SLC25A47: variants seen among roughly 807,000 people sequenced by gnomAD.
The protein encoded by SLC25A47 is solute carrier family 25 member 47, also known as HCC-down-regulated mitochondrial carrier protein.
Under a neutral mutation model 29.8 loss-of-function variants are expected in SLC25A47, and 30 were observed. The observed-to-expected ratio is 1.01, with a 90% CI of 0.75 to 1.36. The LOEUF (loss-of-function observed/expected upper bound fraction) is 1.36. Ranked by LOEUF, SLC25A47 falls within the 40% of genes most tolerant of loss-of-function variation. The pLI is 0.00. For missense variants in SLC25A47, 430 were observed against 441.9 expected (o/e 0.97, Z 0.24); for synonymous variants, 204 against 197.8 (o/e 1.03, Z -0.26).
rs776000779 is a variant in SLC25A47 at position 100,327,302 on chromosome 14, G to A, written c.259G>A (p.Gly87Ser). Residue 87 changes from glycine to serine, a missense_variant, in exon 4 of 6, where the codon GGC (glycine) becomes AGC (serine). Physicochemically the swap from Gly to Ser is moderately conservative, Grantham distance 56 (BLOSUM62 0). Coordinates refer to ENST00000361529, the MANE Select transcript of SLC25A47 (RefSeq NM_207117.4). The part of the protein sequence containing the change: ...CLAHICRLRY[G>S]NPDAKPTKAD... Reference sequence around the variant, plus strand: ...GGCGCACATCTGCCGGCTCCGGTACGGCAACCCTGACGCCAAGCCCACCAA... The same window carrying A: ...GGCGCACATCTGCCGGCTCCGGTACAGCAACCCTGACGCCAAGCCCACCAA... 1.0e-5 allele frequency: 16 copies of A among 1,604,508 alleles called. No individual in the cohort carries two copies. In the South Asian group the frequency reaches 1.1e-4, roughly 11 times the overall value.
At position 100,328,950 on chromosome 14, in the gene SLC25A47, C is replaced by T. The variant is rs371925572; in HGVS notation, c.552C>T (p.Ala184=). ...GCGGCCTCTACAAGGGCAGCTCGGC[C>T]CTGGTCTTACGGGACGGCCACTCCT... ...GLCGLYKGSS[A]LVLRDGHSFA... The change falls in exon 5 of 6, where the codon GCC becomes GCT. Residue 184 remains alanine (A), a synonymous_variant. Coordinates refer to ENST00000361529, the MANE Select transcript of SLC25A47 (RefSeq NM_207117.4). The T allele has an allele frequency of 4.5e-5, 72 of 1,604,554 alleles. No individual in the cohort carries two copies. The highest frequency in any genetic ancestry group is 5.8e-5 in the Non-Finnish European group (68 of 1,179,902).
At chr14:100,324,647 T>A (rs112879983) in intron 1 of SLC25A47, among the ~76,000 whole-genome samples, 7,930 of 152,250 alleles carry the variant, frequency 0.052, 658 homozygotes, top group African/African-American at 0.18. Flanking sequence ...GAGTCTGGCA[T>A]CTTTCCTCCG....
rs148360182 is a variant in SLC25A47 at position 100,329,484 on chromosome 14, C to G, written c.766C>G (p.Arg256Gly). Residue 256 changes from arginine (R) to glycine (G), a missense_variant, in exon 6 of 6, where the codon CGG becomes GGG. Arg to Gly is a moderately radical substitution (Grantham distance 125). Transcript: ENST00000361529. Reference protein sequence around the residue: ...QADGQGQRRYRGLLHCMVTSV... With the variant: ...QADGQGQRRYGGLLHCMVTSV... ...AGACGGGCAGGGCCAGAGGCGCTACCGGGGTCTCCTGCACTGTATGGTGAC... is the reference window on the plus strand; with the variant it reads ...AGACGGGCAGGGCCAGAGGCGCTACGGGGGTCTCCTGCACTGTATGGTGAC... The G allele has an allele frequency of 6.2e-7, 1 of 1,613,284 alleles. No individual in the cohort carries two copies. The highest frequency in any genetic ancestry group is 8.5e-7 in the Non-Finnish European group (1 of 1,179,996).
At chr14:100,325,961 C>G in intron 2 of SLC25A47, 130 bp downstream of exon 2, 2 of 1,106,370 alleles carry the variant, frequency 1.8e-6, no homozygotes, top group Non-Finnish European at 2.6e-6. Context: ...CCCCATAGCC[C>G]CTGGGACTAT....
intron 4 of SLC25A47, among the ~76,000 whole-genome samples, 177 bp from the exon 5 acceptor site, chr14:100,328,549 A>G (rs1287161588): frequency 6.6e-6 from 1 of 152,154 alleles, no homozygotes; most frequent in African/African-American, 2.4e-5. Context: ...GGGCTTTGGC[A>G]TTGGGTGGGC....
At position 100,328,851 on chromosome 14, in the gene SLC25A47, C is replaced by T. The variant is rs1477657438; in HGVS notation, c.453C>T (p.Pro151=). The T allele has an allele frequency of 1.2e-6, 2 of 1,612,278 alleles. No homozygotes were observed. The highest frequency in any genetic ancestry group is 2.7e-5 in the African/African-American group (2 of 74,952). ...PLAVPPMCPV[P]PACPEPKYRG... is the part of the protein sequence containing the mutation. Reference sequence around the variant, plus strand: ...CTGTGCCCCCCATGTGTCCTGTGCCCCCAGCCTGCCCAGAGCCCAAGTACC... The same window carrying T: ...CTGTGCCCCCCATGTGTCCTGTGCCTCCAGCCTGCCCAGAGCCCAAGTACC... The change falls in exon 5 of 6, where the codon CCC becomes CCT. Residue 151 remains proline (P), a synonymous_variant. Coordinates refer to ENST00000361529, the MANE Select transcript of SLC25A47 (RefSeq NM_207117.4).
intron 4 of SLC25A47, among the ~76,000 whole-genome samples, chr14:100,327,663 C>T (rs1011202176): frequency 6.6e-6 from 1 of 152,210 alleles, no homozygotes; most frequent in Non-Finnish European, 1.5e-5. Context: ...ACCTAGAAGC[C>T]ACCATGGGGA....
Position 100,328,748 on chromosome 14 carries a change from A to G in SLC25A47, c.350A>G (p.Glu117Gly), listed in dbSNP as rs201397614. 1.9e-6 allele frequency: 3 copies of G among 1,612,988 alleles called. No individual in the cohort carries two copies. Among genetic ancestry groups the G allele is most frequent in the Non-Finnish European group, 1.7e-6 (2 of 1,179,938 alleles). ...CAGGTGTTCCTGACGTCGCCCACTG[A>G]GGTGGCCAAAGTCCGCTTGCAGACG... ...LVRVFLTSPT[E>G]VAKVRLQTQT... The change falls in exon 5 of 6, where the codon GAG becomes GGG. Residue 117 changes from glutamate to glycine, a missense_variant. Coordinates refer to ENST00000361529, the MANE Select transcript of SLC25A47 (RefSeq NM_207117.4).
chr14:100,326,269 G>A lies in SLC25A47; in HGVS notation c.144+41G>A, dbSNP rs532111927. 3 of 1,588,068 alleles carry A rather than the reference G, an allele frequency of 1.9e-6. No individual in the cohort carries two copies. In the African/African-American group the frequency reaches 4.0e-5, roughly 21 times the overall value. On this transcript the variant is annotated intron_variant, in intron 3 of 5. Transcript: ENST00000361529. ...GGGGCTGGGTAGGGAGACAGGGAGG[G>A]GATGCTGGGCCTGCCTCCGCTGCCC...
chr14:100,329,657 G>A lies in SLC25A47; in HGVS notation c.*12G>A, dbSNP rs56764997. 35 of 1,593,944 alleles carry A rather than the reference G, an allele frequency of 2.2e-5. No individual in the cohort carries two copies. Among genetic ancestry groups the A allele is most frequent in the African/African-American group, 4.0e-5 (3 of 74,606 alleles). The stretch of plus-strand genomic sequence containing the variant: ...GTCTGCTCACATAGCCGGTCCCCAC[G>A]CCCAGCGGCCCACCCACCAGCAGCT... On this transcript the variant is annotated 3_prime_UTR_variant, in exon 6 of 6. Coordinates refer to ENST00000361529, the MANE Select transcript of SLC25A47 (RefSeq NM_207117.4).
chr14:100,328,529 G>A (rs550944829), intron 4 of SLC25A47, among the ~76,000 whole-genome samples, 197 bp from the exon 5 acceptor site: 33 of 152,380 alleles, frequency 2.2e-4, no homozygotes, highest in Admixed American at 9.8e-4. Flanking sequence ...TGTGGCTGCC[G>A]AGGAAGCATG....
At chr14:100,326,334 T>G (rs1354819111) in intron 3 of SLC25A47, 106 bp downstream of exon 3, 1 of 983,060 alleles carries the variant, frequency 1.0e-6, no homozygotes, top group African/African-American at 1.6e-5. Flanking sequence ...CTCAGCTCTC[T>G]CACCTTCCAC....
At position 100,329,513 on chromosome 14, in the gene SLC25A47, C is replaced by T. The variant is rs369616845; in HGVS notation, c.795C>T (p.Ser265=). The change falls in exon 6 of 6, where the codon AGC becomes AGT. Residue 265 remains serine, a synonymous_variant. Transcript: ENST00000361529. The part of the protein sequence containing the change: ...YRGLLHCMVT[S]VREEGPRVLF... ...GTCTCCTGCACTGTATGGTGACCAG[C>T]GTTCGAGAGGAGGGACCCCGGGTCC... 94 of 1,613,320 alleles carry T rather than the reference C, an allele frequency of 5.8e-5. 1 individual carries two copies. Among genetic ancestry groups the T allele is most frequent in the Admixed American group, 1.2e-4 (7 of 59,984 alleles).
rs756436121 is a variant in SLC25A47, at chr14:100,325,847, GC to G, written c.72+22del. 10 of 1,609,588 alleles carry G rather than the reference GC, an allele frequency of 6.2e-6. No individual in the cohort carries two copies. The highest frequency in any genetic ancestry group is 4.4e-5 in the South Asian group (4 of 90,080). On this transcript the variant is annotated intron_variant, in intron 2 of 5. Transcript: ENST00000361529. ...CACGGTGAAGGTGCGGCAATAGCCA[GC>G]CCCCCAACCATCCTAAGGCCCCTGC...
In SLC25A47 at chr14:100,329,753, C is replaced by G. The variant is rs986439251; in HGVS notation, c.*108C>G. ...GGTTCGGGACCCCACAGGGCCATTG[C>G]CCAGGAGAATGAGGAGCCTCCCTGC... On this transcript the variant is annotated 3_prime_UTR_variant, in exon 6 of 6. Transcript: ENST00000361529. 29 of 1,399,038 alleles carry G rather than the reference C, an allele frequency of 2.1e-5. No individual in the cohort carries two copies. In the African/African-American group the frequency reaches 3.9e-4, roughly 19 times the overall value. 86.7% of individuals were successfully genotyped at this position (1,399,038 alleles called of 1,614,324 possible). A position where few individuals can be genotyped will look rare whatever the true frequency, so the allele number is the denominator to read the frequency against.
At chr14:100,328,397 C>T (rs1453301946) in intron 4 of SLC25A47, among the ~76,000 whole-genome samples, 2 of 152,246 alleles carry the variant, frequency 1.3e-5, no homozygotes, top group African/African-American at 4.8e-5. Context: ...AGGCGTGAGC[C>T]GCTGCGCCTG....
chr14:100,327,567 G>C (rs1260444729), intron 4 of SLC25A47, among the ~76,000 whole-genome samples, 197 bp downstream of exon 4: 2 of 152,312 alleles, frequency 1.3e-5, no homozygotes, highest in South Asian at 4.1e-4. Flanking sequence ...ACACAGATGA[G>C]GGGGTCGCTG....
At chr14:100,326,846 C>T (rs933341514) in intron 3 of SLC25A47, among the ~76,000 whole-genome samples, 1 of 152,172 alleles carries the variant, frequency 6.6e-6, no homozygotes, top group Non-Finnish European at 1.5e-5. Flanking sequence ...TGGTGGCAGG[C>T]ACCTGTAATC....
At position 100,327,330 on chromosome 14, in the gene SLC25A47, C is replaced by T. The variant is rs1430657288; in HGVS notation, c.287C>T (p.Ala96Val). 2 of 1,601,806 alleles carry T rather than the reference C, an allele frequency of 1.2e-6. No individual in the cohort carries two copies. ...AACCCTGACGCCAAGCCCACCAAGG[C>T]CGACATCACGCTCTCGGGATGCGCC... Reference protein sequence around the residue: ...YGNPDAKPTKADITLSGCASG... With the variant: ...YGNPDAKPTKVDITLSGCASG... The change falls in exon 4 of 6, where the codon GCC (alanine) becomes GTC (valine). Residue 96 changes from alanine (A) to valine (V), a missense_variant. Physicochemically the swap from Ala to Val is moderately conservative, Grantham distance 64 (BLOSUM62 0). Coordinates refer to ENST00000361529, the MANE Select transcript of SLC25A47 (RefSeq NM_207117.4).
Sources: gnomAD v4.1 joint callset for allele counts (sites outside exome capture counted in the v4.1 genomes callset) on GRCh38, gnomAD v4.1.1 for gene constraint, MANE v1.5 for transcripts, NCBI Gene and HGNC (gene_info 2026-07-23, HGNC 2026-07-21) for gene names.